FHIT: variants seen among roughly 807,000 people sequenced by gnomAD.
FHIT encodes fragile histidine triad diadenosine triphosphatase, also known as bis(5'-adenosyl)-triphosphatase.
In FHIT, 19 loss-of-function variants were observed where a neutral mutation model predicts 17.9. The observed-to-expected ratio is 1.06, with a 90% confidence interval of 0.74 to 1.56. The LOEUF (loss-of-function observed/expected upper bound fraction) is 1.56, where lower values mean the gene tolerates loss of function less well. Ranked by LOEUF, FHIT falls within the 40% of genes most tolerant of loss-of-function variation. The probability of loss-of-function intolerance (pLI) is 0.00; values close to 1 mark genes in which losing one functional copy is unlikely to be tolerated. For missense variants in FHIT, 248 were observed against 189.2 expected, an observed-to-expected ratio of 1.31 and a Z score of -1.82; for synonymous variants, 81 against 69.7, an observed-to-expected ratio of 1.16 and a Z score of -0.81.
chr3:60,295,908 G>A lies in FHIT; in HGVS notation c.103+240952C>T, dbSNP rs1020404243. On this transcript the variant is annotated intron_variant, in intron 5 of 9. Coordinates refer to ENST00000492590, the MANE Select transcript of FHIT (RefSeq NM_002012.4). ...TCTCATCTTGAATTGTAGCTCCCAT[G>A]ATTCCCACGTGTTGTGGGAGGGACC... Among the ~76,000 whole-genome samples, 7 of 152,106 alleles carry A rather than the reference G, an allele frequency of 4.6e-5. No homozygotes were observed. In the East Asian group the frequency reaches 1.4e-3, roughly 29 times the overall value.
chr3:60,215,285 T>A (rs1293564322), intron 5 of FHIT, among the ~76,000 whole-genome samples: 2 of 152,098 alleles, frequency 1.3e-5, no homozygotes, highest in East Asian at 3.9e-4. Flanking sequence ...AGGTCAGGAC[T>A]TCGAGACCAG....
intron 5 of FHIT, among the ~76,000 whole-genome samples, chr3:60,383,063 T>G (rs1030694719): frequency 3.3e-5 from 5 of 152,218 alleles, no homozygotes; most frequent in African/African-American, 1.2e-4. Context: ...TTAGCCATTA[T>G]CTACTGTAAC....
chr3:60,657,004 T>G (rs2040132463), intron 4 of FHIT, among the ~76,000 whole-genome samples: 1 of 149,690 alleles, frequency 6.7e-6, no homozygotes, highest in African/African-American at 2.5e-5. Flanking sequence ...CCAGGACAAA[T>G]AAAAGCCAAA....
chr3:61,116,551 T>C (rs758090441), intron 2 of FHIT, among the ~76,000 whole-genome samples: 7 of 152,106 alleles, frequency 4.6e-5, no homozygotes, highest in Non-Finnish European at 7.4e-5. Flanking sequence ...CTAAAATAAG[T>C]GGTAATAATA....
At chr3:60,930,029 G>A (rs574229978) in intron 3 of FHIT, among the ~76,000 whole-genome samples, 2 of 152,152 alleles carry the variant, frequency 1.3e-5, no homozygotes. Context: ...ATTGACCAAT[G>A]GAACAGAACA....
chr3:60,226,048 A>G (rs1170312256), intron 5 of FHIT, among the ~76,000 whole-genome samples: 2 of 152,190 alleles, frequency 1.3e-5, no homozygotes, highest in Non-Finnish European at 2.9e-5. Flanking sequence ...GCAATGGGAC[A>G]GCCCCACAGG....
intron 7 of FHIT, among the ~76,000 whole-genome samples, chr3:59,965,359 T>C (rs997418025): frequency 1.3e-5 from 2 of 152,160 alleles, no homozygotes; most frequent in African/African-American, 2.4e-5. Context: ...TCTAATTATA[T>C]ACTAAATCTC....
intron 5 of FHIT, among the ~76,000 whole-genome samples, chr3:60,278,589 A>T (rs9883016): frequency 0.26 from 39,275 of 151,958 alleles, 5,749 homozygotes; most frequent in East Asian, 0.67. Context: ...TTGAATAAGG[A>T]GCTCTTAGGA....
intron 5 of FHIT, among the ~76,000 whole-genome samples, chr3:60,400,597 T>C (rs1378991207): frequency 6.6e-6 from 1 of 152,074 alleles, no homozygotes; most frequent in Non-Finnish European, 1.5e-5. Context: ...GCAGAGGTGC[T>C]GGCATGCACA....
intron 5 of FHIT, among the ~76,000 whole-genome samples, chr3:60,230,604 A>G (rs1268095612): frequency 6.6e-6 from 1 of 152,342 alleles, no homozygotes; most frequent in African/African-American, 2.4e-5. Context: ...TCTTGAAAAG[A>G]AAAGTTCAGG....
At chr3:61,166,411 A>T (rs1188508058) in intron 2 of FHIT, among the ~76,000 whole-genome samples, 1 of 152,192 alleles carries the variant, frequency 6.6e-6, no homozygotes, top group African/African-American at 2.4e-5. Flanking sequence ...AAGGAAACAA[A>T]CACTCACCAG....
intron 5 of FHIT, among the ~76,000 whole-genome samples, chr3:60,325,150 G>T (rs1349559923): frequency 6.6e-6 from 1 of 152,018 alleles, no homozygotes; most frequent in African/African-American, 2.4e-5. Context: ...TTTAATAGAT[G>T]ATTAAAGAAG....
chr3:60,715,874 C>T (rs1413153526), intron 4 of FHIT, among the ~76,000 whole-genome samples: 1 of 152,052 alleles, frequency 6.6e-6, no homozygotes, highest in African/African-American at 2.4e-5. Context: ...AATATAGTTT[C>T]GACCTTGCAG....
At chr3:60,426,697 A>G (rs1055569879) in intron 5 of FHIT, among the ~76,000 whole-genome samples, 2 of 152,122 alleles carry the variant, frequency 1.3e-5, no homozygotes, top group Non-Finnish European at 2.9e-5. Flanking sequence ...TTTGATCATC[A>G]CAATTTTCTA....
At chr3:60,458,777 C>G (rs986722690) in intron 5 of FHIT, among the ~76,000 whole-genome samples, 2 of 151,796 alleles carry the variant, frequency 1.3e-5, no homozygotes, top group African/African-American at 4.8e-5. Context: ...GTGCATTCTA[C>G]TATATATATT....
intron 2 of FHIT, among the ~76,000 whole-genome samples, chr3:61,051,703 C>CA (rs58099086): frequency 0.13 from 20,223 of 151,992 alleles, 1,418 homozygotes; most frequent in South Asian, 0.18. Flanking sequence ...AATTTTAAGC[C>CA]AAAAAAGAAA....
At chr3:61,042,639 G>A (rs2033574425) in intron 2 of FHIT, among the ~76,000 whole-genome samples, 1 of 152,030 alleles carries the variant, frequency 6.6e-6, no homozygotes, top group Admixed American at 6.5e-5. Context: ...AGCCGTTCGA[G>A]ACCAGCCTGG....
chr3:60,694,391 G>A (rs140863451), intron 4 of FHIT, among the ~76,000 whole-genome samples: 2,631 of 152,124 alleles, frequency 0.017, 67 homozygotes, highest in African/African-American at 0.058. Flanking sequence ...TTAGAATGGC[G>A]ATCATTAAAA....
chr3:60,284,848 A>G (rs1296049653), intron 5 of FHIT, among the ~76,000 whole-genome samples: 1 of 152,098 alleles, frequency 6.6e-6, no homozygotes, highest in African/African-American at 2.4e-5. Context: ...ACTGTACTAG[A>G]ATTTTGTTCC....
Sources: gnomAD v4.1 joint callset for allele counts (sites outside exome capture counted in the v4.1 genomes callset) on GRCh38, gnomAD v4.1.1 for gene constraint, MANE v1.5 for transcripts, NCBI Gene and HGNC (gene_info 2026-07-23, HGNC 2026-07-21) for gene names.